The following NBAS variants were observed in gnomAD, a reference collection of about 807,000 sequenced individuals.
NBAS encodes the protein NAG/BC035112 fusion.
A neutral mutation model predicts 302.5 loss-of-function variants in NBAS; 219 were observed. The observed-to-expected ratio is 0.72, with a 90% CI of 0.65 to 0.81. NBAS has a LOEUF of 0.81. Ranked by LOEUF, NBAS falls within the 30% of genes least tolerant of loss-of-function variation. NBAS has a pLI of 0.00. For synonymous variants in NBAS, 1,118 were observed against 1,021.6 expected (o/e 1.09, Z -1.80); for missense variants, 2,932 against 2,841.6 (o/e 1.03, Z -0.72).
At chr2:15,332,644 AC>A (rs1365703273) in intron 35 of NBAS, among the ~76,000 whole-genome samples, 5 of 151,930 alleles carry the variant, frequency 3.3e-5, no homozygotes, top group African/African-American at 1.2e-4. Flanking sequence ...TATGAAAAAA[AC>A]AACATATAAA....
chr2:15,546,733 A>G (rs190506061), intron 6 of NBAS, among the ~76,000 whole-genome samples: 3 of 152,350 alleles, frequency 2.0e-5, no homozygotes, highest in Non-Finnish European at 4.4e-5. Flanking sequence ...GTCTGAAAAC[A>G]AAACAAAAAA....
At chr2:15,447,618 A>G in intron 21 of NBAS, among the ~76,000 whole-genome samples, 1 of 152,178 alleles carries the variant, frequency 6.6e-6, no homozygotes, top group East Asian at 1.9e-4. Flanking sequence ...ATTTTCCCGT[A>G]TCCATAATTC....
At chr2:15,176,852 T>C (rs1399254336) in intron 51 of NBAS, among the ~76,000 whole-genome samples, 1 of 152,204 alleles carries the variant, frequency 6.6e-6, no homozygotes, top group Non-Finnish European at 1.5e-5. Flanking sequence ...GTGAGAGACC[T>C]TGCTATATCA....
chr2:15,500,699 G>C (rs944460904), intron 11 of NBAS, among the ~76,000 whole-genome samples: 1 of 151,794 alleles, frequency 6.6e-6, no homozygotes, highest in African/African-American at 2.4e-5. Flanking sequence ...ACTTTGGGAG[G>C]CCGAGGCGGG....
intron 44 of NBAS, among the ~76,000 whole-genome samples, chr2:15,255,875 T>A (rs1433556366): frequency 6.6e-6 from 1 of 152,196 alleles, no homozygotes; most frequent in African/African-American, 2.4e-5. Flanking sequence ...TTTGGCTTTG[T>A]TTCTGGGTTA....
At chr2:14,841,109 A>G in the NBAS span, among the ~76,000 whole-genome samples, 3 of 151,982 alleles carry the variant, frequency 2.0e-5, no homozygotes, top group Non-Finnish European at 2.9e-5. Context: ...CTAAGTTGTC[A>G]TCTCTTTAAA....
the NBAS span, among the ~76,000 whole-genome samples, chr2:14,856,292 T>C: frequency 0.011 from 1,692 of 152,288 alleles, 31 homozygotes; most frequent in African/African-American, 0.038. Flanking sequence ...ATCCAAGTCC[T>C]TTTAAATATC....
the NBAS span, among the ~76,000 whole-genome samples, chr2:14,883,285 T>A: frequency 1.3e-5 from 2 of 152,214 alleles, no homozygotes; most frequent in Admixed American, 1.3e-4. Context: ...TTCTAACTCA[T>A]ACTGCAAGAT....
the NBAS span, among the ~76,000 whole-genome samples, chr2:15,096,441 A>G: frequency 1.3e-5 from 2 of 152,222 alleles, no homozygotes; most frequent in Admixed American, 1.3e-4. Context: ...GGTGCAGAAA[A>G]GCTTTCTATG....
intron 48 of NBAS, among the ~76,000 whole-genome samples, chr2:15,203,506 T>C (rs1665978720): frequency 6.6e-6 from 1 of 152,164 alleles, no homozygotes; most frequent in Admixed American, 6.5e-5. Context: ...CAGTTAGAAA[T>C]TATGCAGGGA....
intron 48 of NBAS, among the ~76,000 whole-genome samples, chr2:15,200,557 G>A (rs1445233913): frequency 6.6e-6 from 1 of 152,060 alleles, no homozygotes; most frequent in Non-Finnish European, 1.5e-5. Context: ...TAGTTTACAG[G>A]CACCTGTAAT....
the NBAS span, among the ~76,000 whole-genome samples, chr2:14,983,294 G>A: frequency 1.3e-5 from 2 of 152,092 alleles, no homozygotes; most frequent in Non-Finnish European, 2.9e-5. Context: ...CCAGGTGCAA[G>A]AACTACTTTG....
chr2:15,336,358 T>C (rs150914994), intron 35 of NBAS, among the ~76,000 whole-genome samples: 43 of 152,306 alleles, frequency 2.8e-4, no homozygotes, highest in Middle Eastern at 3.4e-3. Flanking sequence ...ATGTGAAAAA[T>C]CTCTATTGCT....
At chr2:15,280,411 A>T (rs982412438) in intron 42 of NBAS, among the ~76,000 whole-genome samples, 5 of 152,160 alleles carry the variant, frequency 3.3e-5, no homozygotes, top group African/African-American at 7.2e-5. Context: ...GGGGGAAGAG[A>T]GAATAAAGAG....
intron 40 of NBAS, among the ~76,000 whole-genome samples, chr2:15,302,799 G>T (rs1252078834): frequency 1.3e-5 from 2 of 152,214 alleles, no homozygotes; most frequent in Non-Finnish European, 2.9e-5. Context: ...CTCAATGTGG[G>T]TGAGCACTGT....
chr2:15,517,761 C>T (rs1485286893), intron 9 of NBAS, among the ~76,000 whole-genome samples: 3 of 152,178 alleles, frequency 2.0e-5, no homozygotes, highest in South Asian at 4.1e-4. Context: ...ATGCTGGCAA[C>T]ACAGTACATA....
the NBAS span, among the ~76,000 whole-genome samples, chr2:14,899,440 T>G: frequency 6.6e-6 from 1 of 152,230 alleles, no homozygotes; most frequent in Non-Finnish European, 1.5e-5. Flanking sequence ...TTAAATAAAA[T>G]GAAGAAGGGT....
chr2:15,538,214 T>C (rs1249083300), intron 7 of NBAS: 1 of 232,600 alleles, frequency 4.3e-6, no homozygotes, highest in East Asian at 8.3e-5. Flanking sequence ...TTATTGTATA[T>C]GTGACCAAAT....
the NBAS span, among the ~76,000 whole-genome samples, chr2:15,087,130 C>T: frequency 8.2e-4 from 124 of 151,952 alleles, no homozygotes; most frequent in African/African-American, 2.9e-3. Flanking sequence ...GGACTAGAAC[C>T]ACACCATCAG....
Sources: allele counts gnomAD v4.1 joint callset (sites outside exome capture counted in the v4.1 genomes callset), GRCh38; gene constraint gnomAD v4.1.1; transcripts MANE v1.5; gene names NCBI Gene and HGNC (gene_info 2026-07-23, HGNC 2026-07-21).